Variants in ROBO1 observed in about 807,000 individuals in gnomAD.
ROBO1 encodes roundabout homolog 1.
In ROBO1, 149 loss-of-function variants were observed where a neutral mutation model predicts 195.9. That is an observed-to-expected ratio of 0.76 (90% CI 0.67 to 0.87). The LOEUF (loss-of-function observed/expected upper bound fraction) is 0.87, where lower values mean the gene tolerates loss of function less well. Among genes scored for constraint, ROBO1 ranks in the 40% least tolerant of loss-of-function variants. ROBO1 has a pLI of 0.00. For synonymous variants in ROBO1, 816 were observed against 733.2 expected, an observed-to-expected ratio of 1.11 and a Z score of -1.82; for missense variants, 1,933 against 2,068.3, an observed-to-expected ratio of 0.93 and a Z score of 1.27.
rs566962100 is a variant in ROBO1, at chr3:79,091,920, A to G, written c.172+33536T>C. Reference sequence around the variant, plus strand: ...AGAATAGGTCAGGTCCACCTCAGGTATCAGAGGGTAAGTAAACTGAGAAGG... The same window carrying G: ...AGAATAGGTCAGGTCCACCTCAGGTGTCAGAGGGTAAGTAAACTGAGAAGG... On this transcript the variant is annotated intron_variant, in intron 3 of 30. Transcript: ENST00000464233. 4.6e-5 allele frequency among the ~76,000 whole-genome samples: 7 copies of G among 152,278 alleles called. 1 individual carries two copies. Among genetic ancestry groups the G allele is most frequent in the African/African-American group, 1.7e-4 (7 of 41,572 alleles).
intron 21 of ROBO1, among the ~76,000 whole-genome samples, chr3:78,644,982 A>G (rs957920076): frequency 6.6e-6 from 1 of 152,114 alleles, no homozygotes; most frequent in Non-Finnish European, 1.5e-5. Context: ...AGGCTCTTTC[A>G]TGAATGTCTG....
intron 2 of ROBO1, among the ~76,000 whole-genome samples, chr3:79,295,035 T>G (rs1417987190): frequency 6.6e-6 from 1 of 152,038 alleles, no homozygotes. Flanking sequence ...TGGAAGACAG[T>G]GTGGTAATTC....
intron 1 of ROBO1, among the ~76,000 whole-genome samples, chr3:79,634,928 A>G (rs1945453435): frequency 6.6e-6 from 1 of 152,200 alleles, no homozygotes; most frequent in African/African-American, 2.4e-5. Context: ...GAAAATAATG[A>G]GTTAATGTTA....
intron 2 of ROBO1, among the ~76,000 whole-genome samples, chr3:79,223,662 T>A (rs1218223290): frequency 6.6e-6 from 1 of 152,164 alleles, no homozygotes; most frequent in Non-Finnish European, 1.5e-5. Context: ...TTCATACAGG[T>A]CATTACACAA....
intron 1 of ROBO1, among the ~76,000 whole-genome samples, chr3:79,729,179 A>G (rs1703045986): frequency 1.3e-5 from 2 of 152,138 alleles, no homozygotes; most frequent in South Asian, 4.1e-4. Context: ...TTTTTTCCCA[A>G]TCCCTTAGGA....
chr3:78,755,209 G>A (rs1008875267), intron 4 of ROBO1, among the ~76,000 whole-genome samples: 5 of 152,150 alleles, frequency 3.3e-5, no homozygotes, highest in African/African-American at 7.2e-5. Context: ...GTGGCTCAGC[G>A]CATAATCCCA....
intron 2 of ROBO1, among the ~76,000 whole-genome samples, chr3:79,224,401 C>T (rs576162800): frequency 2.0e-4 from 31 of 152,310 alleles, no homozygotes; most frequent in African/African-American, 7.5e-4. Flanking sequence ...CAGCTGCAAA[C>T]TCAGGCTCAC....
intron 4 of ROBO1, among the ~76,000 whole-genome samples, chr3:78,896,658 CAAAA>C (rs142287501): frequency 4.6e-5 from 3 of 65,926 alleles, no homozygotes; most frequent in African/African-American, 1.9e-4. Flanking sequence ...TTGTTGCTCA[CAAAA>C]AAAAAAAAAA....
At chr3:79,754,355 T>C (rs1704272410) in intron 1 of ROBO1, among the ~76,000 whole-genome samples, 3 of 152,194 alleles carry the variant, frequency 2.0e-5, no homozygotes. Flanking sequence ...ATCACTTGTA[T>C]TCACTTCAGT....
intron 2 of ROBO1, among the ~76,000 whole-genome samples, chr3:79,557,565 C>T (rs1942747215): frequency 6.6e-6 from 1 of 151,582 alleles, no homozygotes; most frequent in African/African-American, 2.4e-5. Context: ...GAAACCCTGT[C>T]TGCACTAAAA....
intron 2 of ROBO1, among the ~76,000 whole-genome samples, chr3:79,405,004 C>A (rs2037491722): frequency 6.6e-6 from 1 of 152,026 alleles, no homozygotes; most frequent in African/African-American, 2.4e-5. Flanking sequence ...GCTATTCTTT[C>A]TTGCCTTGAA....
intron 4 of ROBO1, among the ~76,000 whole-genome samples, chr3:78,912,995 A>G (rs1169935331): frequency 6.6e-6 from 1 of 152,158 alleles, no homozygotes; most frequent in East Asian, 1.9e-4. Flanking sequence ...GAAATAGTAT[A>G]TGTAAAGAAG....
At chr3:78,618,148 T>C (rs904775704) in intron 26 of ROBO1, 107 bp from the exon 27 acceptor site, 13 of 1,198,772 alleles carry the variant, frequency 1.1e-5, no homozygotes, top group South Asian at 3.3e-5. Flanking sequence ...TTTACTTCTT[T>C]TGAGCTCATA....
At chr3:79,656,537 C>T (rs1266532864) in intron 1 of ROBO1, among the ~76,000 whole-genome samples, 2 of 151,844 alleles carry the variant, frequency 1.3e-5, no homozygotes, top group Non-Finnish European at 2.9e-5. Flanking sequence ...ATCTATCTAT[C>T]TATCTATTTT....
chr3:79,054,165 G>A (rs1479524768), intron 3 of ROBO1, among the ~76,000 whole-genome samples: 2 of 152,024 alleles, frequency 1.3e-5, no homozygotes, highest in African/African-American at 4.8e-5. Flanking sequence ...TCAGCTCACA[G>A]GCTCTGATAG....
chr3:78,616,409 G>C (rs1704114891), intron 27 of ROBO1, among the ~76,000 whole-genome samples: 1 of 152,070 alleles, frequency 6.6e-6, no homozygotes. Context: ...ATAAAATATA[G>C]GCCTGGCCAA....
chr3:79,357,527 T>C (rs2109291946), intron 2 of ROBO1, among the ~76,000 whole-genome samples: 1 of 152,240 alleles, frequency 6.6e-6, no homozygotes, highest in East Asian at 1.9e-4. Flanking sequence ...TATCCTCAGT[T>C]ACACAAGAAA....
At chr3:78,622,110 A>G (rs1704493581) in intron 26 of ROBO1, among the ~76,000 whole-genome samples, 1 of 152,184 alleles carries the variant, frequency 6.6e-6, no homozygotes, top group Non-Finnish European at 1.5e-5. Context: ...AAGTTTAATT[A>G]TATTATTTTC....
At chr3:79,712,421 T>G (rs1702313309) in intron 1 of ROBO1, among the ~76,000 whole-genome samples, 1 of 152,122 alleles carries the variant, frequency 6.6e-6, no homozygotes, top group Non-Finnish European at 1.5e-5. Flanking sequence ...AGCCAAAACC[T>G]AATCTAGAGC....
Sources: gnomAD v4.1 joint callset for allele counts (sites outside exome capture counted in the v4.1 genomes callset) on GRCh38, gnomAD v4.1.1 for gene constraint, MANE v1.5 for transcripts, NCBI Gene and HGNC (gene_info 2026-07-23, HGNC 2026-07-21) for gene names.